LYN: variants seen among roughly 807,000 people sequenced by gnomAD.
The protein encoded by LYN is LYN proto-oncogene, Src family tyrosine kinase.
In LYN, 12 loss-of-function variants were observed where a neutral mutation model predicts 65.0. The observed-to-expected ratio is 0.18, with a 90% CI of 0.12 to 0.30. The LOEUF is 0.30. Ranked by LOEUF, LYN falls within the 10% of genes least tolerant of loss-of-function variation. The pLI is 1.00. For missense variants in LYN, 380 were observed against 623.2 expected, an observed-to-expected ratio of 0.61 and a Z score of 4.16; for synonymous variants, 222 against 221.2, an observed-to-expected ratio of 1.00 and a Z score of -0.03.
intron 1 of LYN, among the ~76,000 whole-genome samples, chr8:55,900,937 CA>C (rs1254399029): frequency 6.6e-6 from 1 of 151,962 alleles, no homozygotes; most frequent in African/African-American, 2.4e-5. Flanking sequence ...AGTTTACTAA[CA>C]ACAAAAAGAA....
chr8:55,958,006 C>G (rs770201598), intron 8 of LYN, among the ~76,000 whole-genome samples: 2 of 152,170 alleles, frequency 1.3e-5, no homozygotes, highest in Non-Finnish European at 2.9e-5. Flanking sequence ...ATCAAAAGTG[C>G]TGCTGTCAGC....
At chr8:55,966,104 G>A (rs1028999062) in intron 8 of LYN, among the ~76,000 whole-genome samples, 39 of 152,246 alleles carry the variant, frequency 2.6e-4, no homozygotes, top group South Asian at 6.2e-4. Flanking sequence ...CAGCCTGGGC[G>A]ACAGAGCAAG....
At chr8:55,938,337 G>C (rs769322434) in intron 1 of LYN, among the ~76,000 whole-genome samples, 1 of 152,154 alleles carries the variant, frequency 6.6e-6, no homozygotes, top group Non-Finnish European at 1.5e-5. Context: ...AATTCTCTAC[G>C]CATAAAATAT....
At chr8:55,907,655 C>G (rs933846900) in intron 1 of LYN, among the ~76,000 whole-genome samples, 4 of 151,990 alleles carry the variant, frequency 2.6e-5, no homozygotes, top group Admixed American at 6.6e-5. Flanking sequence ...TTGCTTGAGC[C>G]CAGGAGTTCA....
At chr8:55,903,546 G>A (rs927949955) in intron 1 of LYN, among the ~76,000 whole-genome samples, 26 of 152,288 alleles carry the variant, frequency 1.7e-4, no homozygotes, top group Admixed American at 1.6e-3. Flanking sequence ...GCTTTTCTAA[G>A]TTTTCCCTTT....
chr8:55,983,737 C>A (rs1271783936), intron 10 of LYN, among the ~76,000 whole-genome samples: 1 of 152,190 alleles, frequency 6.6e-6, no homozygotes, highest in Non-Finnish European at 1.5e-5. Context: ...GCTTTTCCTT[C>A]CCCCTCACCA....
intron 7 of LYN, among the ~76,000 whole-genome samples, chr8:55,953,612 A>G (rs1807014981): frequency 6.6e-6 from 1 of 151,994 alleles, no homozygotes. Context: ...CGCCCATTGC[A>G]CTCCAGCCTG....
rs116636440 is a variant in LYN, at chr8:55,905,732, A to G, written c.-6+25629A>G. On this transcript the variant is annotated intron_variant, in intron 1 of 12. Coordinates refer to ENST00000519728, the MANE Select transcript of LYN (RefSeq NM_002350.4). ...GCAGGGAGAGCCTCACTCCTCTCCC[A>G]TCTGTTGGGAGAGCCTCACTCACCA... 2.0e-3 allele frequency among the ~76,000 whole-genome samples: 307 copies of G among 152,224 alleles called. 1 individual carries two copies. Among genetic ancestry groups the G allele is most frequent in the African/African-American group, 6.8e-3 (284 of 41,556 alleles).
intron 1 of LYN, among the ~76,000 whole-genome samples, chr8:55,925,772 A>G (rs1015333241): frequency 2.0e-5 from 3 of 152,206 alleles, no homozygotes; most frequent in Admixed American, 6.5e-5. Flanking sequence ...ACTGGTATAA[A>G]TAAGTGTCTT....
At chr8:55,972,795 AC>A (rs1486331178) in intron 10 of LYN, among the ~76,000 whole-genome samples, 1 of 152,194 alleles carries the variant, frequency 6.6e-6, no homozygotes, top group Non-Finnish European at 1.5e-5. Context: ...CCTTTTCTAT[AC>A]CTTCCCCCCA....
intron 1 of LYN, among the ~76,000 whole-genome samples, chr8:55,937,198 T>C (rs551042572): frequency 2.9e-4 from 44 of 152,334 alleles, no homozygotes; most frequent in African/African-American, 9.9e-4. Flanking sequence ...ACCTCACAAG[T>C]GGACTTTAGA....
intron 10 of LYN, among the ~76,000 whole-genome samples, chr8:55,983,162 C>T (rs556408794): frequency 2.4e-4 from 36 of 152,186 alleles, no homozygotes; most frequent in Admixed American, 3.9e-4. Context: ...TCATGAACCC[C>T]GACATGTGCC....
intron 10 of LYN, among the ~76,000 whole-genome samples, chr8:55,985,027 G>A (rs548768495): frequency 5.9e-4 from 90 of 152,306 alleles, no homozygotes; most frequent in Middle Eastern, 3.4e-3. Flanking sequence ...TGAATAAGCC[G>A]CAGGGGTCCT....
At chr8:55,994,195 A>C (rs1228904260) in intron 10 of LYN, among the ~76,000 whole-genome samples, 1 of 152,232 alleles carries the variant, frequency 6.6e-6, no homozygotes, top group Non-Finnish European at 1.5e-5. Context: ...GGAAAGAATA[A>C]AGAGAATGAA....
chr8:55,989,076 T>C (rs1808165668), intron 10 of LYN, among the ~76,000 whole-genome samples: 2 of 152,222 alleles, frequency 1.3e-5, no homozygotes, highest in African/African-American at 4.8e-5. Context: ...AGCAGCCGGG[T>C]ATGTGTGCTG....
At chr8:55,977,018 C>T (rs537433480) in intron 10 of LYN, among the ~76,000 whole-genome samples, 1 of 152,100 alleles carries the variant, frequency 6.6e-6, no homozygotes, top group African/African-American at 2.4e-5. Flanking sequence ...AACCCGGTCT[C>T]TACTAAAAAT....
chr8:55,995,699 G>A (rs1808356816), intron 10 of LYN, among the ~76,000 whole-genome samples: 2 of 152,110 alleles, frequency 1.3e-5, no homozygotes, highest in African/African-American at 2.4e-5. Context: ...GGCAGGGAGG[G>A]AATGAGCGTT....
intron 1 of LYN, among the ~76,000 whole-genome samples, chr8:55,899,849 C>T (rs1805211437): frequency 6.6e-6 from 1 of 152,062 alleles, no homozygotes; most frequent in Non-Finnish European, 1.5e-5. Flanking sequence ...GGGGTTTCAC[C>T]GTGTTGCCTA....
chr8:55,930,417 T>C (rs953276825), intron 1 of LYN, among the ~76,000 whole-genome samples: 1 of 152,228 alleles, frequency 6.6e-6, no homozygotes, highest in African/African-American at 2.4e-5. Context: ...GGCTGGATTG[T>C]TGATCATAAA....
Sources: allele counts gnomAD v4.1 joint callset (sites outside exome capture counted in the v4.1 genomes callset), GRCh38; gene constraint gnomAD v4.1.1; transcripts MANE v1.5; gene names NCBI Gene and HGNC (gene_info 2026-07-23, HGNC 2026-07-21).